VEPH1: variants seen among roughly 807,000 people sequenced by gnomAD.
VEPH1 encodes the protein ventricular zone-expressed PH domain-containing protein homolog 1.
Under a neutral mutation model 85.2 loss-of-function variants are expected in VEPH1, and 80 were observed. The observed-to-expected ratio is 0.94, with a 90% CI of 0.78 to 1.13. The LOEUF is 1.13. Ranked by LOEUF, VEPH1 falls within the 50% of genes most tolerant of loss-of-function variation. The pLI is 0.00. For synonymous variants in VEPH1, 297 were observed against 348.0 expected, an observed-to-expected ratio of 0.85 and a Z score of 1.63; for missense variants, 955 against 980.5, an observed-to-expected ratio of 0.97 and a Z score of 0.35.
chr3:157,376,365 GA>G, intron 7 of VEPH1, among the ~76,000 whole-genome samples: 1 of 152,116 alleles, frequency 6.6e-6, no homozygotes, highest in Non-Finnish European at 1.5e-5. Context: ...GCCAGTTACA[GA>G]GGTGCCCAGA....
At chr3:157,409,644 T>C (rs760919736) in intron 6 of VEPH1, 118 of 985,272 alleles carry the variant, frequency 1.2e-4, no homozygotes, top group Non-Finnish European at 1.4e-4. Flanking sequence ...GATGGAAAAA[T>C]TGTGATGCTG....
intron 5 of VEPH1, among the ~76,000 whole-genome samples, chr3:157,421,038 A>G (rs576450079): frequency 1.3e-5 from 2 of 152,308 alleles, no homozygotes; most frequent in South Asian, 4.1e-4. Context: ...CTCTGGAGGT[A>G]CCAGTTATAA....
chr3:157,392,280 A>G (rs535460073), intron 6 of VEPH1, among the ~76,000 whole-genome samples: 2 of 152,360 alleles, frequency 1.3e-5, no homozygotes, highest in Non-Finnish European at 2.9e-5. Context: ...TCATGGCAGA[A>G]GGAGCAAGTC....
Position 157,346,319 on chromosome 3 carries a change from T to C in VEPH1, c.1735+17045A>G, listed in dbSNP as rs530547711. Among the ~76,000 whole-genome samples the C allele has an allele frequency of 9.2e-5, 14 of 152,322 alleles. No individual in the cohort carries two copies. The East Asian group carries it at 2.7e-3, about 29-fold the overall frequency. On this transcript the variant is annotated intron_variant, in intron 9 of 13. Transcript: ENST00000362010. ...ATCTTACAAAGTATACCCTGGTAGATAAAGCAAAAATGAATTTGAAATATG... is the reference window on the plus strand; with the variant it reads ...ATCTTACAAAGTATACCCTGGTAGACAAAGCAAAAATGAATTTGAAATATG...
intron 6 of VEPH1, among the ~76,000 whole-genome samples, chr3:157,403,652 CTG>C (rs1467650208): frequency 1.3e-5 from 2 of 152,048 alleles, no homozygotes; most frequent in Non-Finnish European, 2.9e-5. Context: ...TATTCATAAA[CTG>C]TATTGTAGGT....
rs182881624 is a variant in VEPH1 at position 157,319,564 on chromosome 3, T to G, written c.1736-2363A>C. 9.2e-5 allele frequency among the ~76,000 whole-genome samples: 14 copies of G among 152,338 alleles called. No homozygotes were observed. In the East Asian group the frequency reaches 1.5e-3, roughly 17 times the overall value. The stretch of plus-strand genomic sequence containing the variant: ...AAATGGTATTTGAAATAAATCTAAG[T>G]GTAACATATATATTGAGATAGCAAT... On this transcript the variant is annotated intron_variant, in intron 9 of 13. Transcript: ENST00000362010.
intron 6 of VEPH1, among the ~76,000 whole-genome samples, chr3:157,385,489 T>C (rs1262667896): frequency 6.6e-6 from 1 of 152,152 alleles, no homozygotes; most frequent in Non-Finnish European, 1.5e-5. Flanking sequence ...ATATTGGAAG[T>C]TAAAATAGGC....
intron 12 of VEPH1, among the ~76,000 whole-genome samples, chr3:157,270,926 T>C (rs1714463457): frequency 6.6e-6 from 1 of 151,632 alleles, no homozygotes; most frequent in Admixed American, 6.6e-5. Flanking sequence ...CAAGGTGACA[T>C]GAGAGCTGGG....
At chr3:157,395,604 C>T (rs1730301401) in intron 6 of VEPH1, among the ~76,000 whole-genome samples, 1 of 152,202 alleles carries the variant, frequency 6.6e-6, no homozygotes, top group Non-Finnish European at 1.5e-5. Context: ...TCTCCAAGGT[C>T]ATCCTTTGCT....
intron 1 of VEPH1, among the ~76,000 whole-genome samples, chr3:157,496,251 A>G (rs910849355): frequency 2.0e-5 from 3 of 152,188 alleles, no homozygotes; most frequent in African/African-American, 4.8e-5. Context: ...GTCCCACTAT[A>G]TTTCTCACCC....
At chr3:157,495,582 C>T (rs900527037) in intron 1 of VEPH1, 76 bp from the exon 2 acceptor site, 5 of 925,120 alleles carry the variant, frequency 5.4e-6, no homozygotes, top group Non-Finnish European at 4.3e-6. Context: ...CAGTGTCCAG[C>T]GGAGAGAGAG....
At chr3:157,480,034 CTT>C (rs11380437) in intron 2 of VEPH1, among the ~76,000 whole-genome samples, 1 of 146,960 alleles carries the variant, frequency 6.8e-6, no homozygotes, top group African/African-American at 2.5e-5. Flanking sequence ...TTCTTTCATT[CTT>C]TTTTTCTTTC....
chr3:157,348,093 A>G (rs1048996593), intron 9 of VEPH1, among the ~76,000 whole-genome samples: 3 of 152,176 alleles, frequency 2.0e-5, no homozygotes, highest in African/African-American at 2.4e-5. Flanking sequence ...CTTGCGTAGC[A>G]GGGAAACCAC....
At chr3:157,439,549 C>G (rs2109214872) in intron 4 of VEPH1, among the ~76,000 whole-genome samples, 1 of 152,130 alleles carries the variant, frequency 6.6e-6, no homozygotes, top group East Asian at 1.9e-4. Context: ...TTTGGGTATC[C>G]CTGGTCCCCA....
intron 13 of VEPH1, among the ~76,000 whole-genome samples, chr3:157,263,862 G>A (rs921779853): frequency 1.3e-5 from 2 of 152,136 alleles, no homozygotes; most frequent in Non-Finnish European, 2.9e-5. Flanking sequence ...GCATATGGCC[G>A]AGAATGAATT....
chr3:157,441,649 A>C (rs1328057898), intron 4 of VEPH1, among the ~76,000 whole-genome samples: 2 of 152,106 alleles, frequency 1.3e-5, no homozygotes, highest in East Asian at 3.9e-4. Flanking sequence ...GTCTAAAAAA[A>C]AAATACAATA....
Position 157,353,001 on chromosome 3 carries a change from G to T in VEPH1, c.1735+10363C>A, listed in dbSNP as rs1008936230. ...CCATGGCTCTGTAATATACTCTTGGGATAAGTGTGAGGAAGTGGTGACCAA... is the reference window on the plus strand; with the variant it reads ...CCATGGCTCTGTAATATACTCTTGGTATAAGTGTGAGGAAGTGGTGACCAA... On this transcript the variant is annotated intron_variant, in intron 9 of 13. Coordinates refer to ENST00000362010, the MANE Select transcript of VEPH1 (RefSeq NM_001167912.2). Among the ~76,000 whole-genome samples the T allele has an allele frequency of 7.3e-4, 111 of 152,234 alleles. 1 individual carries two copies. Among genetic ancestry groups the T allele is most frequent in the Non-Finnish European group, 7.2e-4 (49 of 68,024 alleles).
chr3:157,481,059 A>T (rs1051885191), intron 2 of VEPH1, among the ~76,000 whole-genome samples: 1 of 152,050 alleles, frequency 6.6e-6, no homozygotes, highest in Non-Finnish European at 1.5e-5. Context: ...GCTAAAGTTG[A>T]GCATTTTTTC....
intron 1 of VEPH1, among the ~76,000 whole-genome samples, chr3:157,502,076 G>C (rs1281228192): frequency 6.6e-6 from 1 of 152,154 alleles, no homozygotes; most frequent in Non-Finnish European, 1.5e-5. Context: ...ATTGTTCCCT[G>C]GATGTCTCTG....
Sources: gnomAD v4.1 joint callset for allele counts (sites outside exome capture counted in the v4.1 genomes callset) on GRCh38, gnomAD v4.1.1 for gene constraint, MANE v1.5 for transcripts, NCBI Gene and HGNC (gene_info 2026-07-23, HGNC 2026-07-21) for gene names.